The following ELAVL2 variants were observed in gnomAD, a reference collection of about 807,000 sequenced individuals.
ELAVL2 encodes the protein ELAV-like protein 2.
A neutral mutation model predicts 34.6 loss-of-function variants in ELAVL2; 4 were observed. The observed-to-expected ratio is 0.12, with a 90% CI of 0.06 to 0.26. ELAVL2 has a LOEUF of 0.26. ELAVL2 is among the 10% of genes least tolerant of loss of function. The pLI, the probability that ELAVL2 is intolerant of heterozygous loss-of-function variation, is 1.00. For synonymous variants in ELAVL2, 193 were observed against 154.8 expected (o/e 1.25, Z -1.83); for missense variants, 432 against 442.8 (o/e 0.98, Z 0.22).
chr9:23,748,407 G>A (rs2051044905), intron 2 of ELAVL2, among the ~76,000 whole-genome samples: 1 of 152,082 alleles, frequency 6.6e-6, no homozygotes, highest in Non-Finnish European at 1.5e-5. Context: ...TGGATGCTCT[G>A]ACTCTCTGGG....
intron 5 of ELAVL2, among the ~76,000 whole-genome samples, chr9:23,694,661 C>T (rs967765497): frequency 6.6e-6 from 1 of 152,236 alleles, no homozygotes; most frequent in African/African-American, 2.4e-5. Flanking sequence ...CAAAAGCCAA[C>T]ACCTTTTAGT....
At chr9:23,829,631 A>G (rs1039693018), upstream of ELAVL2, 2 of 152,328 alleles carry the variant, frequency 1.3e-5, no homozygotes, top group Admixed American at 1.3e-4. Context: ...CAGATATCAT[A>G]TATCTTGCTG....
At chr9:23,695,902 G>A (rs951668675) in intron 5 of ELAVL2, among the ~76,000 whole-genome samples, 12 of 152,070 alleles carry the variant, frequency 7.9e-5, no homozygotes, top group Non-Finnish European at 1.6e-4. Flanking sequence ...GAAACATTTC[G>A]TTTTCCATCC....
At chr9:23,815,464 T>C (rs896539978) in intron 1 of ELAVL2, among the ~76,000 whole-genome samples, 19 of 152,248 alleles carry the variant, frequency 1.2e-4, no homozygotes, top group Admixed American at 5.9e-4. Context: ...TATGATGGTG[T>C]ATTATAAAAA....
intron 1 of ELAVL2, among the ~76,000 whole-genome samples, chr9:23,806,483 A>C (rs1384590468): frequency 6.6e-6 from 1 of 152,086 alleles, no homozygotes; most frequent in Non-Finnish European, 1.5e-5. Flanking sequence ...AAAAAAATTT[A>C]AAAATTAGCC....
intron 1 of ELAVL2, among the ~76,000 whole-genome samples, chr9:23,765,817 G>A (rs1285531313): frequency 1.3e-5 from 2 of 152,096 alleles, no homozygotes; most frequent in African/African-American, 2.4e-5. Flanking sequence ...GTCCCTGAAC[G>A]AAATCAAGTG....
In ELAVL2 at chr9:23,783,844, C is replaced by G. The variant is rs577975169; in HGVS notation, c.-15-21595G>C. Among the ~76,000 whole-genome samples the G allele has an allele frequency of 2.6e-5, 4 of 152,232 alleles. No homozygotes were observed. In the South Asian group the frequency reaches 8.3e-4, roughly 32 times the overall value. ...AGAAAAGCCATGTGCACTAGGCTCT[C>G]TGTTGTCATAGGTTCAAATAAAGGG... On this transcript the variant is annotated intron_variant, in intron 1 of 6. Coordinates refer to ENST00000397312, the MANE Select transcript of ELAVL2 (RefSeq NM_004432.5).
At chr9:23,789,313 T>C (rs1269406355) in intron 1 of ELAVL2, among the ~76,000 whole-genome samples, 1 of 152,188 alleles carries the variant, frequency 6.6e-6, no homozygotes, top group East Asian at 1.9e-4. Flanking sequence ...AGGTGGAATG[T>C]ATGTCCCCTA....
chr9:23,710,376 G>T (rs2040594224), intron 3 of ELAVL2, among the ~76,000 whole-genome samples: 1 of 152,170 alleles, frequency 6.6e-6, no homozygotes, highest in Non-Finnish European at 1.5e-5. Context: ...ATCACTATCA[G>T]AAGTCCCTCT....
intron 4 of ELAVL2, 127 bp downstream of exon 4, chr9:23,704,791 G>C: frequency 1.7e-6 from 2 of 1,188,426 alleles, no homozygotes; most frequent in Admixed American, 4.5e-5. Context: ...GCAGAAAATT[G>C]CATTTTCTGG....
chr9:23,819,196 G>A (rs1331372899), intron 1 of ELAVL2, among the ~76,000 whole-genome samples: 1 of 152,140 alleles, frequency 6.6e-6, no homozygotes. Context: ...TCAAAAGGTT[G>A]ATTCAAGGAA....
At chr9:23,796,638 G>C (rs908580022) in intron 1 of ELAVL2, among the ~76,000 whole-genome samples, 15 of 152,210 alleles carry the variant, frequency 9.9e-5, no homozygotes, top group African/African-American at 3.1e-4. Flanking sequence ...AAGATATCTA[G>C]AGTTTACACC....
intron 2 of ELAVL2, among the ~76,000 whole-genome samples, chr9:23,737,736 A>G (rs900852521): frequency 6.6e-6 from 1 of 152,198 alleles, no homozygotes; most frequent in African/African-American, 2.4e-5. Flanking sequence ...TTTATGAAAT[A>G]AAAGAATAAA....
intron 1 of ELAVL2, among the ~76,000 whole-genome samples, chr9:23,774,269 C>T (rs113502582): frequency 0.03 from 4,332 of 145,602 alleles, 81 homozygotes; most frequent in East Asian, 0.073. Context: ...ATTTGCTTAT[C>T]TGTCTTTTGG....
At chr9:23,752,297 T>A (rs1238626070) in intron 2 of ELAVL2, among the ~76,000 whole-genome samples, 1 of 152,038 alleles carries the variant, frequency 6.6e-6, no homozygotes, top group East Asian at 1.9e-4. Flanking sequence ...AGTGTAACAA[T>A]GTTCTAAGCT....
intron 1 of ELAVL2, among the ~76,000 whole-genome samples, chr9:23,772,281 C>T (rs1302504423): frequency 6.6e-6 from 1 of 152,112 alleles, no homozygotes; most frequent in Non-Finnish European, 1.5e-5. Flanking sequence ...CATAGCTCCT[C>T]TGTTGGATAC....
At chr9:23,702,968 A>AC (rs2037899079) in intron 4 of ELAVL2, among the ~76,000 whole-genome samples, 2 of 146,970 alleles carry the variant, frequency 1.4e-5, no homozygotes, top group Non-Finnish European at 3.0e-5. Flanking sequence ...AAAAAAAAAA[A>AC]AAAAAAAAAA....
At chr9:23,836,702 T>A in the ELAVL2 span, among the ~76,000 whole-genome samples, 6 of 151,870 alleles carry the variant, frequency 4.0e-5, no homozygotes, top group Non-Finnish European at 8.8e-5. Context: ...TTAGAGCAAA[T>A]AAAAGGAGGT....
intron 1 of ELAVL2, among the ~76,000 whole-genome samples, chr9:23,768,753 G>C (rs897012149): frequency 1.7e-4 from 26 of 152,064 alleles, no homozygotes; most frequent in African/African-American, 6.3e-4. Flanking sequence ...TGGCCAGCAG[G>C]GTTATGGATA....
Sources: gnomAD v4.1 joint callset for allele counts (sites outside exome capture counted in the v4.1 genomes callset) on GRCh38, gnomAD v4.1.1 for gene constraint, MANE v1.5 for transcripts, NCBI Gene and HGNC (gene_info 2026-07-23, HGNC 2026-07-21) for gene names.